EPHB1: variants seen among roughly 807,000 people sequenced by gnomAD.
EPHB1 encodes EPH receptor B1, also known as ephrin type-B receptor 1.
In EPHB1, 30 loss-of-function variants were observed where a neutral mutation model predicts 94.4. That is an observed-to-expected ratio of 0.32 (90% CI 0.24 to 0.43). The LOEUF (loss-of-function observed/expected upper bound fraction) is 0.43. Ranked by LOEUF, EPHB1 falls within the 20% of genes least tolerant of loss-of-function variation. The pLI, the probability that EPHB1 is intolerant of heterozygous loss-of-function variation, is 1.00. For missense variants in EPHB1, 1,055 were observed against 1,308.3 expected, an observed-to-expected ratio of 0.81 and a Z score of 2.99; for synonymous variants, 522 against 489.1, an observed-to-expected ratio of 1.07 and a Z score of -0.89.
At chr3:135,042,776 C>T (rs1936892217) in intron 3 of EPHB1, among the ~76,000 whole-genome samples, 1 of 152,208 alleles carries the variant, frequency 6.6e-6, no homozygotes, top group South Asian at 2.1e-4. Flanking sequence ...CAACTGATCA[C>T]AGGAAAATTC....
chr3:134,994,401 C>G (rs1465179174), intron 3 of EPHB1, among the ~76,000 whole-genome samples: 1 of 152,180 alleles, frequency 6.6e-6, no homozygotes, highest in Admixed American at 6.5e-5. Flanking sequence ...ACAGTCATCA[C>G]CCACTGATGC....
chr3:135,085,621 C>T (rs190571909), intron 3 of EPHB1, among the ~76,000 whole-genome samples: 1 of 152,326 alleles, frequency 6.6e-6, no homozygotes, highest in Non-Finnish European at 1.5e-5. Context: ...ATGTTTGATG[C>T]GGGTGTCTCT....
intron 14 of EPHB1, 97 bp downstream of exon 14, chr3:135,248,606 A>G (rs1943985879): frequency 1.5e-6 from 2 of 1,293,320 alleles, no homozygotes; most frequent in South Asian, 1.6e-5. Context: ...GAATTTTTTA[A>G]AGAGTATCTA....
intron 5 of EPHB1, among the ~76,000 whole-genome samples, chr3:135,138,703 C>A (rs1940707925): frequency 6.6e-6 from 1 of 152,142 alleles, no homozygotes; most frequent in Non-Finnish European, 1.5e-5. Context: ...AGAAAACTTT[C>A]ATCGAAGTTA....
At chr3:134,979,663 T>A (rs1273700312) in intron 3 of EPHB1, among the ~76,000 whole-genome samples, 1 of 152,060 alleles carries the variant, frequency 6.6e-6, no homozygotes, top group East Asian at 1.9e-4. Flanking sequence ...TAATATGTAT[T>A]TGTGTAGAAA....
chr3:135,226,299 G>A (rs201419698), intron 12 of EPHB1, among the ~76,000 whole-genome samples: 4 of 152,212 alleles, frequency 2.6e-5, no homozygotes, highest in East Asian at 3.9e-4. Flanking sequence ...CTGCCCTACC[G>A]CGGCACTCTT....
intron 4 of EPHB1, among the ~76,000 whole-genome samples, chr3:135,116,402 G>C (rs1056428590): frequency 6.6e-5 from 10 of 152,100 alleles, no homozygotes; most frequent in Non-Finnish European, 1.5e-4. Context: ...GCTTCTCACA[G>C]GTGGTCCCCA....
At chr3:135,097,152 T>C (rs1938823887) in intron 3 of EPHB1, among the ~76,000 whole-genome samples, 1 of 144,374 alleles carries the variant, frequency 6.9e-6, no homozygotes. Flanking sequence ...CTTCAACGTA[T>C]GATTTTTTTT....
intron 2 of EPHB1, among the ~76,000 whole-genome samples, chr3:134,931,813 CTGTATATA>C (rs1375009347): frequency 6.6e-6 from 1 of 151,620 alleles, no homozygotes; most frequent in South Asian, 2.1e-4. Flanking sequence ...GTATATATGT[CTGTATATA>C]TGTATATATG....
At chr3:135,053,049 A>ATATATATG (rs1208348401) in intron 3 of EPHB1, among the ~76,000 whole-genome samples, 2 of 136,820 alleles carry the variant, frequency 1.5e-5, no homozygotes, top group Non-Finnish European at 1.5e-5. Context: ...ATATATATAT[A>ATATATATG]TATATAAAGT....
intron 1 of EPHB1, among the ~76,000 whole-genome samples, chr3:134,873,367 A>G (rs2037543167): frequency 6.6e-6 from 1 of 152,206 alleles, no homozygotes; most frequent in Non-Finnish European, 1.5e-5. Flanking sequence ...TCCCCAAGTA[A>G]GAGAAAACTC....
chr3:134,805,621 T>C (rs1397190178), intron 1 of EPHB1, among the ~76,000 whole-genome samples: 1 of 152,156 alleles, frequency 6.6e-6, no homozygotes, highest in Non-Finnish European at 1.5e-5. Context: ...GTGCATGTGC[T>C]GCACAGCTGC....
intron 1 of EPHB1, among the ~76,000 whole-genome samples, chr3:134,875,581 A>G (rs975141856): frequency 2.0e-5 from 3 of 152,170 alleles, no homozygotes; most frequent in African/African-American, 7.2e-5. Flanking sequence ...GTCGCAGGCA[A>G]GTTCCTCAGT....
At chr3:135,104,638 T>C (rs1939145682) in intron 3 of EPHB1, among the ~76,000 whole-genome samples, 1 of 152,222 alleles carries the variant, frequency 6.6e-6, no homozygotes, top group Admixed American at 6.5e-5. Flanking sequence ...TTTTAAAAGT[T>C]CTCAACAAAG....
intron 12 of EPHB1, among the ~76,000 whole-genome samples, chr3:135,208,292 TGTGTGTG>T (rs1559875504): frequency 0.029 from 3,167 of 109,084 alleles, 47 homozygotes; most frequent in Middle Eastern, 0.067. Flanking sequence ...TTTCATGACG[TGTGTGTG>T]TGTGTGTGTG....
At position 134,919,616 on chromosome 3, in the gene EPHB1, G is replaced by A. The variant is rs933861427; in HGVS notation, c.59-6200G>A. ...GAGGGTCAAGGGCAGTAGACACCCT[G>A]AGGAGCCATGTGGGCATCATACAGG... On this transcript the variant is annotated intron_variant, in intron 1 of 15. Transcript: ENST00000398015. Among the ~76,000 whole-genome samples the A allele has an allele frequency of 3.9e-5, 6 of 152,164 alleles. No homozygotes were observed. In the East Asian group the frequency reaches 1.2e-3, roughly 29 times the overall value.
At chr3:134,850,895 GC>G (rs1437345701) in intron 1 of EPHB1, among the ~76,000 whole-genome samples, 5 of 152,366 alleles carry the variant, frequency 3.3e-5, no homozygotes, top group Admixed American at 6.5e-5. Context: ...TTGGTGCAGA[GC>G]CAGGGGGGCA....
chr3:135,002,419 CTT>C (rs1252223750), intron 3 of EPHB1, among the ~76,000 whole-genome samples: 1 of 152,124 alleles, frequency 6.6e-6, no homozygotes, highest in Non-Finnish European at 1.5e-5. Context: ...CTAAAATTCT[CTT>C]TGTTGGTTGT....
intron 15 of EPHB1, among the ~76,000 whole-genome samples, chr3:135,253,853 T>C (rs909804870): frequency 2.6e-5 from 4 of 152,186 alleles, no homozygotes; most frequent in African/African-American, 9.7e-5. Flanking sequence ...GAGCATGGAA[T>C]GGTCTTCCAT....
Sources: allele counts gnomAD v4.1 joint callset (sites outside exome capture counted in the v4.1 genomes callset), GRCh38; gene constraint gnomAD v4.1.1; transcripts MANE v1.5; gene names NCBI Gene and HGNC (gene_info 2026-07-23, HGNC 2026-07-21).